Variants in MINDY4 observed in about 807,000 individuals in gnomAD.
MINDY4 encodes the protein probable ubiquitin carboxyl-terminal hydrolase MINDY-4.
In MINDY4, 68 loss-of-function variants were observed where a neutral mutation model predicts 87.0. The ratio of observed to expected loss-of-function variants is 0.78; its 90% CI spans 0.64 to 0.96. The LOEUF is 0.96. MINDY4 is among the 40% of genes least tolerant of loss of function. MINDY4 has a pLI of 0.00. For synonymous variants in MINDY4, 379 were observed against 363.2 expected (o/e 1.04, Z -0.50); for missense variants, 919 against 928.2 (o/e 0.99, Z 0.13).
chr7:30,825,304 C>T (rs879819410), intron 5 of MINDY4, among the ~76,000 whole-genome samples: 5 of 152,190 alleles, frequency 3.3e-5, no homozygotes, highest in Non-Finnish European at 7.3e-5. Flanking sequence ...GAAGTCTCCT[C>T]TGGTGATGAG....
At chr7:30,835,183 T>G (rs1788820598) in intron 6 of MINDY4, among the ~76,000 whole-genome samples, 1 of 152,204 alleles carries the variant, frequency 6.6e-6, no homozygotes. Flanking sequence ...AAAGAAAGTT[T>G]ATTGGACTTT....
At chr7:30,877,971 C>T (rs1290983983) in intron 15 of MINDY4, among the ~76,000 whole-genome samples, 3 of 151,072 alleles carry the variant, frequency 2.0e-5, no homozygotes, top group South Asian at 2.1e-4. Context: ...TGAGCCACTG[C>T]GCCTGGCCCC....
intron 5 of MINDY4, among the ~76,000 whole-genome samples, chr7:30,810,617 C>T (rs577354813): frequency 7.9e-4 from 120 of 152,178 alleles, no homozygotes; most frequent in African/African-American, 2.6e-3. Context: ...AAAGCACTAA[C>T]CTGCTCTATA....
At chr7:30,812,273 G>GT (rs1554279866) in intron 5 of MINDY4, among the ~76,000 whole-genome samples, 2 of 84,190 alleles carry the variant, frequency 2.4e-5, no homozygotes, top group South Asian at 1.1e-3. Context: ...GTGTGTTGAG[G>GT]GGGGGGGGGT....
At chr7:30,824,740 A>G (rs1788447649) in intron 5 of MINDY4, among the ~76,000 whole-genome samples, 1 of 152,080 alleles carries the variant, frequency 6.6e-6, no homozygotes, top group Non-Finnish European at 1.5e-5. Context: ...CGCTCAACTA[A>G]TTTATTTATT....
intron 7 of MINDY4, among the ~76,000 whole-genome samples, 162 bp from the exon 8 acceptor site, chr7:30,839,035 TAAG>T (rs1369674408): frequency 2.0e-5 from 3 of 152,128 alleles, no homozygotes; most frequent in African/African-American, 7.2e-5. Flanking sequence ...TCATCAAATA[TAAG>T]AAGAATGAGC....
chr7:30,851,992 T>C (rs926719656), intron 10 of MINDY4, among the ~76,000 whole-genome samples: 4 of 152,018 alleles, frequency 2.6e-5, no homozygotes, highest in African/African-American at 9.7e-5. Context: ...CAGTCTTTTT[T>C]CCATTTCTTT....
Position 30,782,069 on chromosome 7 carries a change from T to TA in MINDY4, c.277dup (p.Thr93AsnfsTer13). On this transcript the variant is annotated frameshift_variant, in exon 3 of 18. Coordinates refer to ENST00000265299, the MANE Select transcript of MINDY4 (RefSeq NM_032222.3). LOFTEE classifies it high-confidence loss of function. ...ATACGGCTAACAATTTCACTCAAGA[T>TA]ACCCCAATCCCTGCACTCTCAGTTC... is the stretch of plus-strand genomic sequence containing the variant. 1 of 1,614,176 alleles carries TA rather than the reference T, an allele frequency of 6.2e-7. No individual in the cohort carries two copies. Among genetic ancestry groups the TA allele is most frequent in the Non-Finnish European group, 8.5e-7 (1 of 1,180,028 alleles).
intron 6 of MINDY4, among the ~76,000 whole-genome samples, chr7:30,830,076 AG>A (rs1464700209): frequency 8.6e-5 from 13 of 151,952 alleles, no homozygotes; most frequent in African/African-American, 3.1e-4. Flanking sequence ...TGTGGGGGCC[AG>A]GGGGTTGGGG....
intron 6 of MINDY4, among the ~76,000 whole-genome samples, chr7:30,832,633 C>G (rs761076677): frequency 1.3e-5 from 2 of 152,186 alleles, no homozygotes; most frequent in Non-Finnish European, 2.9e-5. Flanking sequence ...CCTCAGCCTC[C>G]TGAGTAACTG....
intron 5 of MINDY4, among the ~76,000 whole-genome samples, chr7:30,809,505 C>G (rs1787920021): frequency 6.6e-6 from 1 of 151,592 alleles, no homozygotes. Context: ...TAGGAGGAAC[C>G]CCTTCAGGAC....
chr7:30,782,558 C>T (rs991738440), intron 3 of MINDY4, among the ~76,000 whole-genome samples: 1 of 151,952 alleles, frequency 6.6e-6, no homozygotes, highest in African/African-American at 2.4e-5. Context: ...AAAAAATTAG[C>T]TAGAGGTGGC....
At chr7:30,830,868 A>G (rs1308888661) in intron 6 of MINDY4, among the ~76,000 whole-genome samples, 1 of 152,198 alleles carries the variant, frequency 6.6e-6, no homozygotes, top group South Asian at 2.1e-4. Flanking sequence ...TGTATATATG[A>G]GAAAGATTGG....
At chr7:30,791,039 G>A (rs1428557978) in intron 4 of MINDY4, 126 bp from the exon 5 acceptor site, 9 of 957,802 alleles carry the variant, frequency 9.4e-6, no homozygotes, top group Non-Finnish European at 1.4e-5. Context: ...TTAAGGGAAA[G>A]AGTCCGAGGT....
chr7:30,875,164 C>T (rs185524078), intron 14 of MINDY4, among the ~76,000 whole-genome samples: 1 of 152,262 alleles, frequency 6.6e-6, no homozygotes, highest in Non-Finnish European at 1.5e-5. Flanking sequence ...CAGTCTAGAC[C>T]CAAAGCACAT....
chr7:30,775,505 C>G (rs1215730128), intron 1 of MINDY4, among the ~76,000 whole-genome samples: 1 of 152,170 alleles, frequency 6.6e-6, no homozygotes, highest in Non-Finnish European at 1.5e-5. Context: ...CTGCCTGAAC[C>G]CCATCATTCA....
At chr7:30,816,298 T>G (rs374472979) in intron 5 of MINDY4, among the ~76,000 whole-genome samples, 2 of 106,484 alleles carry the variant, frequency 1.9e-5, no homozygotes, top group African/African-American at 9.3e-5. Flanking sequence ...AGTCTGAGAC[T>G]GTGGTAAATT....
At position 30,853,129 on chromosome 7, in the gene MINDY4, A is replaced by C. The variant is rs533887366; in HGVS notation, c.1612-265A>C. 3.9e-5 allele frequency among the ~76,000 whole-genome samples: 6 copies of C among 152,340 alleles called. No individual in the cohort carries two copies. The East Asian group carries it at 1.2e-3, about 29-fold the overall frequency. On this transcript the variant is annotated intron_variant, in intron 11 of 17. Transcript: ENST00000265299. ...CAGCCCTCCCCTGTTGGGGCCACAC[A>C]GGATGCTGGAATTCTGGGGTCTCAG...
intron 5 of MINDY4, among the ~76,000 whole-genome samples, chr7:30,824,676 C>T (rs1050042545): frequency 1.1e-4 from 17 of 152,226 alleles, no homozygotes; most frequent in African/African-American, 3.1e-4. Flanking sequence ...TGGGCTTCAG[C>T]GATCCTCCCA....
Sources: allele counts gnomAD v4.1 joint callset (sites outside exome capture counted in the v4.1 genomes callset), GRCh38; gene constraint gnomAD v4.1.1; transcripts MANE v1.5; gene names NCBI Gene and HGNC (gene_info 2026-07-23, HGNC 2026-07-21).